The following TVP23A variants were observed in gnomAD, a reference collection of about 807,000 sequenced individuals.
TVP23A encodes the protein Golgi apparatus membrane protein TVP23 homolog A.
Under a neutral mutation model 31.7 loss-of-function variants are expected in TVP23A, and 21 were observed. That is an observed-to-expected ratio of 0.66 (90% confidence interval 0.47 to 0.95). The LOEUF (loss-of-function observed/expected upper bound fraction) is 0.95, where lower values mean the gene tolerates loss of function less well. Among genes scored for constraint, TVP23A ranks in the 40% least tolerant of loss-of-function variants. TVP23A has a pLI of 0.00. For missense variants in TVP23A, 279 were observed against 255.6 expected (o/e 1.09, Z -0.62); for synonymous variants, 104 against 96.0 (o/e 1.08, Z -0.49).
rs553206659 is a variant in TVP23A, at chr16:10,808,485, G to A, written c.89+9618C>T. On this transcript the variant is annotated intron_variant, in intron 2 of 7. Transcript: ENST00000299866. ...TTCTCAATATGACATTCACTAGGCT[G>A]AACAAGGACCAACCAAGAAATAATA... 3.3e-5 allele frequency: 15 copies of A among 454,278 alleles called. No individual in the cohort carries two copies. In the East Asian group the frequency reaches 9.7e-4, roughly 29 times the overall value. The allele number at this position is 454,278 out of a possible 1,614,324, so 28.1% of individuals were successfully genotyped here.
chr16:10,774,191 G>T, intron 3 of TVP23A, 63 bp from the exon 4 acceptor site: 1 of 1,288,770 alleles, frequency 7.8e-7, no homozygotes. Context: ...TCACTGTATT[G>T]ATAAACAAAA....
chr16:10,766,119 A>C (rs2030839432), downstream of TVP23A: 1 of 152,438 alleles, frequency 6.6e-6, no homozygotes, highest in Non-Finnish European at 1.5e-5. The surrounding 1 kb of genome is among the most constrained non-coding windows in gnomAD (Gnocchi z 4.8). Flanking sequence ...TACAGATGCC[A>C]GCGCTCTGGT....
intron 4 of TVP23A, among the ~76,000 whole-genome samples, chr16:10,773,665 G>C (rs1183994663): frequency 6.6e-6 from 1 of 152,094 alleles, no homozygotes; most frequent in Non-Finnish European, 1.5e-5. Context: ...CCGCCTCCTG[G>C]GTTCAAGTGA....
At chr16:10,775,291 C>T (rs922105971) in intron 2 of TVP23A, 195 bp from the exon 3 acceptor site, 5 of 1,409,792 alleles carry the variant, frequency 3.5e-6, no homozygotes, top group Non-Finnish European at 3.7e-6. Context: ...GACAGTCATG[C>T]TGACACTGTT....
downstream of TVP23A, chr16:10,757,795 C>T (rs1403618784): frequency 6.4e-7 from 1 of 1,551,256 alleles, no homozygotes; most frequent in Non-Finnish European, 8.8e-7. The surrounding 1 kb of genome is among the most constrained non-coding windows in gnomAD (Gnocchi z 4.1). Context: ...AGACCCCATC[C>T]TTTAAAAAAA....
At chr16:10,771,069 G>A (rs1596491735) in intron 6 of TVP23A, among the ~76,000 whole-genome samples, 1 of 152,194 alleles carries the variant, frequency 6.6e-6, no homozygotes, top group East Asian at 1.9e-4. Context: ...GCTAGGAGGC[G>A]AGGAGGAGGG....
At chr16:10,793,361 G>A (rs183137743) in intron 2 of TVP23A, among the ~76,000 whole-genome samples, 20 of 152,310 alleles carry the variant, frequency 1.3e-4, no homozygotes, top group Non-Finnish European at 2.4e-4. Context: ...GTGAGCCCCA[G>A]GGACAAGTTG....
At chr16:10,788,563 G>A (rs185929310) in intron 2 of TVP23A, among the ~76,000 whole-genome samples, 1,708 of 152,246 alleles carry the variant, frequency 0.011, 16 homozygotes, top group Non-Finnish European at 0.017. Context: ...GGAATGAGAA[G>A]AGACAGGTTA....
chr16:10,818,365 C>A lies in TVP23A; in HGVS notation c.9+120G>T. 1 of 1,459,592 alleles carries A rather than the reference C, an allele frequency of 6.9e-7. No homozygotes were observed. Among genetic ancestry groups the A allele is most frequent in the South Asian group, 1.2e-5 (1 of 81,510 alleles). The allele number at this position is 1,459,592 out of a possible 1,614,324, so 90.4% of individuals were successfully genotyped here. A position where few individuals can be genotyped will look rare whatever the true frequency, so the allele number is the denominator to read the frequency against. On this transcript the variant is annotated intron_variant, in intron 1 of 7. Transcript: ENST00000299866. The surrounding 1 kb of genome is among the most constrained non-coding windows in gnomAD (Gnocchi z 4.7). ...AAGCCCTCTCCACCCTCCCGACCAC[C>A]GGGTGCAGCCCAGCCCCAGGCCCCG...
chr16:10,799,036 C>T (rs2033558991), intron 2 of TVP23A, among the ~76,000 whole-genome samples: 1 of 152,180 alleles, frequency 6.6e-6, no homozygotes, highest in Non-Finnish European at 1.5e-5. Flanking sequence ...GGGAGCAGCC[C>T]TATGTTGAGA....
At chr16:10,769,872 C>T (rs946525384) in intron 7 of TVP23A, among the ~76,000 whole-genome samples, 44 of 152,212 alleles carry the variant, frequency 2.9e-4, no homozygotes, top group Non-Finnish European at 1.9e-4. Context: ...CACACAGGAT[C>T]TGAGACCACG....
intron 2 of TVP23A, among the ~76,000 whole-genome samples, chr16:10,817,453 G>A (rs566983238): frequency 7.8e-4 from 119 of 152,266 alleles, no homozygotes; most frequent in African/African-American, 2.8e-3. Flanking sequence ...CTGGGCCATC[G>A]GCAACCACGT....
chr16:10,818,295 G>A lies in TVP23A; in HGVS notation c.10-113C>T. 1.6e-6 allele frequency: 2 copies of A among 1,285,152 alleles called. No individual in the cohort carries two copies. Among genetic ancestry groups the A allele is most frequent in the Non-Finnish European group, 2.2e-6 (2 of 921,706 alleles). 79.6% of individuals were successfully genotyped at this position (1,285,152 alleles called of 1,614,324 possible). Reference sequence around the variant, plus strand: ...CTTGCACCCCACCGGGTTCCCAAGTGGACCCTCCGAGCTGGCGGGGCCCCT... The same window carrying A: ...CTTGCACCCCACCGGGTTCCCAAGTAGACCCTCCGAGCTGGCGGGGCCCCT... On this transcript the variant is annotated intron_variant, in intron 1 of 7. Coordinates refer to ENST00000299866, the MANE Select transcript of TVP23A (RefSeq NM_001079512.4). The surrounding 1 kb of genome is among the most constrained non-coding windows in gnomAD (Gnocchi z 4.7).
At chr16:10,788,758 C>G (rs998713056) in intron 2 of TVP23A, among the ~76,000 whole-genome samples, 2 of 152,160 alleles carry the variant, frequency 1.3e-5, no homozygotes, top group African/African-American at 4.8e-5. Flanking sequence ...AAATGAATCT[C>G]CTTTGTGCTC....
intron 2 of TVP23A, among the ~76,000 whole-genome samples, chr16:10,811,330 G>A (rs1372041493): frequency 1.3e-5 from 2 of 152,150 alleles, no homozygotes; most frequent in Admixed American, 1.3e-4. Context: ...GTGCAGTGGT[G>A]TGATAATGGC....
At chr16:10,778,066 G>T (rs562130313) in intron 2 of TVP23A, among the ~76,000 whole-genome samples, 37 of 152,004 alleles carry the variant, frequency 2.4e-4, no homozygotes, top group African/African-American at 8.4e-4. Context: ...AGGTGTGGTG[G>T]CTCACACCTG....
intron 2 of TVP23A, among the ~76,000 whole-genome samples, chr16:10,810,376 G>A (rs761097591): frequency 1.3e-4 from 20 of 151,812 alleles, no homozygotes; most frequent in East Asian, 3.9e-4. Flanking sequence ...TAGTGATCCC[G>A]TCTCTACAAA....
At chr16:10,757,330 T>C (rs1900627703), downstream of TVP23A, among the ~76,000 whole-genome samples, 1 of 152,098 alleles carries the variant, frequency 6.6e-6, no homozygotes, top group Non-Finnish European at 1.5e-5. This position sits in a 1 kb window ranked among gnomAD's most constrained non-coding sequence, Gnocchi z 4.1. Flanking sequence ...ATTTTTATCA[T>C]GGTTTTATAG....
At chr16:10,812,487 G>A (rs569416091) in intron 2 of TVP23A, among the ~76,000 whole-genome samples, 1 of 152,200 alleles carries the variant, frequency 6.6e-6, no homozygotes, top group South Asian at 2.1e-4. Context: ...GTTCTCAACA[G>A]CAAGAGGTAC....
Sources: allele counts gnomAD v4.1 joint callset (sites outside exome capture counted in the v4.1 genomes callset), GRCh38; gene constraint gnomAD v4.1.1; non-coding constraint Gnocchi (gnomAD v3.1); transcripts MANE v1.5; gene names NCBI Gene and HGNC (gene_info 2026-07-23, HGNC 2026-07-21).